The following IGF2BP2 variants were observed in gnomAD, a reference collection of about 807,000 sequenced individuals.
IGF2BP2 encodes the protein insulin like growth factor 2 mRNA binding protein 2.
A neutral mutation model predicts 75.8 loss-of-function variants in IGF2BP2; 17 were observed. The observed-to-expected ratio is 0.22, with a 90% CI of 0.15 to 0.34. The LOEUF (loss-of-function observed/expected upper bound fraction) is 0.34, where lower values mean the gene tolerates loss of function less well. IGF2BP2 is among the 10% of genes least tolerant of loss of function. IGF2BP2 has a pLI of 1.00. For missense variants in IGF2BP2, 516 were observed against 772.4 expected (o/e 0.67, Z 3.93); for synonymous variants, 288 against 295.6 (o/e 0.97, Z 0.26).
rs1236847943 is a variant in IGF2BP2 at position 185,795,073 on chromosome 3, A to G, written c.239+28080T>C. Among the ~76,000 whole-genome samples, 4 of 151,672 alleles carry G rather than the reference A, an allele frequency of 2.6e-5. No homozygotes were observed. The East Asian group carries it at 7.7e-4, about 29-fold the overall frequency. On this transcript the variant is annotated intron_variant, in intron 2 of 15. Transcript: ENST00000382199. ...CCACCTCGCCCGGCTACTTTTTTGT[A>G]TTTTTAGTAGAGACGAGGTTTCACC...
chr3:185,649,550 A>G lies in IGF2BP2; in HGVS notation c.1462-16T>C, dbSNP rs1351469167. On this transcript the variant is annotated splice_polypyrimidine_tract_variant and intron_variant, in intron 13 of 15. Coordinates refer to ENST00000382199, the MANE Select transcript of IGF2BP2 (RefSeq NM_006548.6). ...GTCCCTGGGCCTGAGAGAGCAAGACATGACTAATGACTCTCAGTCAGCCAG... is the reference window on the plus strand; with the variant it reads ...GTCCCTGGGCCTGAGAGAGCAAGACGTGACTAATGACTCTCAGTCAGCCAG... 3.1e-6 allele frequency: 5 copies of G among 1,613,680 alleles called. No individual in the cohort carries two copies. Among genetic ancestry groups the G allele is most frequent in the South Asian group, 1.1e-5 (1 of 91,002 alleles).
chr3:185,645,349 G>A lies in IGF2BP2; in HGVS notation c.*182C>T, dbSNP rs544821602. 74 of 579,662 alleles carry A rather than the reference G, an allele frequency of 1.3e-4. No homozygotes were observed. The highest frequency in any genetic ancestry group is 8.0e-4 in the African/African-American group (43 of 53,618). The allele number at this position is 579,662 out of a possible 1,614,324, so 35.9% of individuals were successfully genotyped here. The stretch of plus-strand genomic sequence containing the variant: ...CTGGCAAACCTGGCTGACCTTCCCC[G>A]CCCCTCCTCGGCCCCTGGGGTTCTC... On this transcript the variant is annotated 3_prime_UTR_variant, in exon 16 of 16. Coordinates refer to ENST00000382199, the MANE Select transcript of IGF2BP2 (RefSeq NM_006548.6). The surrounding 1 kb of genome is among the most constrained non-coding windows in gnomAD (Gnocchi z 4.9).
rs755880661 is a variant in IGF2BP2, at chr3:185,643,316, T to G, written c.*2215A>C. On this transcript the variant is annotated 3_prime_UTR_variant, in exon 16 of 16. Coordinates refer to ENST00000382199, the MANE Select transcript of IGF2BP2 (RefSeq NM_006548.6). ...CCTCCACTTAAAAAGCAGCTTTGCC[T>G]GGCCAGGCTTGCAGTTCCTTAAGGA... Among the ~76,000 whole-genome samples, 1 of 152,190 alleles carries G rather than the reference T, an allele frequency of 6.6e-6. No individual in the cohort carries two copies. Among genetic ancestry groups the G allele is most frequent in the African/African-American group, 2.4e-5 (1 of 41,458 alleles).
chr3:185,686,144 G>C (rs1198018803), intron 7 of IGF2BP2, among the ~76,000 whole-genome samples: 1 of 152,204 alleles, frequency 6.6e-6, no homozygotes, highest in Non-Finnish European at 1.5e-5. Context: ...AGCACTTTGG[G>C]AGGACGAGGT....
At chr3:185,755,061 C>A (rs1194183692) in intron 2 of IGF2BP2, among the ~76,000 whole-genome samples, 1 of 152,188 alleles carries the variant, frequency 6.6e-6, no homozygotes, top group Non-Finnish European at 1.5e-5. Context: ...GAGCCAAGTG[C>A]TAACATCCAA....
intron 1 of IGF2BP2, 102 bp downstream of exon 1, chr3:185,824,681 G>A: frequency 6.7e-6 from 6 of 893,474 alleles, no homozygotes; most frequent in Non-Finnish European, 8.8e-6. Context: ...GCGGGCGCGG[G>A]AGCCGCCGCC....
intron 2 of IGF2BP2, among the ~76,000 whole-genome samples, chr3:185,790,276 A>C (rs1736469276): frequency 8.2e-6 from 1 of 121,946 alleles, no homozygotes; most frequent in African/African-American, 4.2e-5. Context: ...TTTTGCTTCT[A>C]AACAAAATGA....
At chr3:185,771,461 T>C (rs1243524603) in intron 2 of IGF2BP2, among the ~76,000 whole-genome samples, 1 of 150,004 alleles carries the variant, frequency 6.7e-6, no homozygotes, top group Non-Finnish European at 1.5e-5. Flanking sequence ...AAAAAGAATC[T>C]AAATATAATC....
intron 2 of IGF2BP2, among the ~76,000 whole-genome samples, chr3:185,759,955 C>T (rs987536321): frequency 2.0e-5 from 3 of 152,160 alleles, no homozygotes; most frequent in African/African-American, 7.2e-5. Flanking sequence ...ATACCATACC[C>T]ACTGGATTAT....
intron 7 of IGF2BP2, among the ~76,000 whole-genome samples, chr3:185,680,310 C>A (rs978910410): frequency 1.3e-5 from 2 of 152,084 alleles, no homozygotes; most frequent in African/African-American, 2.4e-5. Context: ...AATCAGTAAT[C>A]AAAAACCTCC....
At chr3:185,784,916 T>A (rs894470603) in intron 2 of IGF2BP2, among the ~76,000 whole-genome samples, 10 of 152,256 alleles carry the variant, frequency 6.6e-5, no homozygotes, top group African/African-American at 2.4e-4. Flanking sequence ...TCCTGACATT[T>A]CAGTGGTGTG....
intron 2 of IGF2BP2, among the ~76,000 whole-genome samples, chr3:185,758,398 G>A (rs1174780154): frequency 1.3e-5 from 2 of 152,182 alleles, no homozygotes; most frequent in African/African-American, 4.8e-5. Flanking sequence ...TTTAGCACTA[G>A]TTATGTGGAG....
In IGF2BP2 at chr3:185,652,145, G is replaced by A. The variant is rs147590133; in HGVS notation, c.1410C>T (p.Asp470=). The change falls in exon 13 of 16, where the codon GAC becomes GAT. Residue 470 remains aspartate (D), a synonymous_variant. Coordinates refer to ENST00000382199, the MANE Select transcript of IGF2BP2 (RefSeq NM_006548.6). ...TGATGATGACCATCCTTTCGCTGAC[G>A]TCTGGGCCTTCCGCAGGGGCAATCT... ...SIKIAPAEGP[D]VSERMVIITG... 228 of 1,612,650 alleles carry A rather than the reference G, an allele frequency of 1.4e-4. No homozygotes were observed. In the African/African-American group the frequency reaches 2.2e-3, roughly 16 times the overall value.
At chr3:185,672,360 T>C (rs1048768001) in intron 10 of IGF2BP2, among the ~76,000 whole-genome samples, 181 bp downstream of exon 10, 1 of 152,250 alleles carries the variant, frequency 6.6e-6, no homozygotes, top group Non-Finnish European at 1.5e-5. Context: ...ATTGGTTTAA[T>C]ATTAAGTTGC....
chr3:185,659,161 G>GTGAGCTA (rs1715977694), intron 10 of IGF2BP2, among the ~76,000 whole-genome samples: 1 of 152,080 alleles, frequency 6.6e-6, no homozygotes, highest in African/African-American at 2.4e-5. Context: ...TGAGGCTGCA[G>GTGAGCTA]TGAGCTATGA....
chr3:185,703,627 G>A (rs754052963), intron 2 of IGF2BP2, among the ~76,000 whole-genome samples: 10 of 151,974 alleles, frequency 6.6e-5, no homozygotes, highest in African/African-American at 1.7e-4. Context: ...AAAATTAGCC[G>A]GGCATGGTGG....
intron 2 of IGF2BP2, among the ~76,000 whole-genome samples, chr3:185,756,897 G>C (rs1441122111): frequency 6.6e-6 from 1 of 152,114 alleles, no homozygotes; most frequent in African/African-American, 2.4e-5. Flanking sequence ...GTGAGCCCAG[G>C]AGTTTGAAGT....
chr3:185,652,872 C>T (rs1410339381), intron 12 of IGF2BP2, among the ~76,000 whole-genome samples: 5 of 152,110 alleles, frequency 3.3e-5, no homozygotes, highest in Non-Finnish European at 7.4e-5. Context: ...AGTGCAGTGG[C>T]GCGATCTCAG....
chr3:185,782,200 T>C (rs1011029617), intron 2 of IGF2BP2, among the ~76,000 whole-genome samples: 3 of 152,266 alleles, frequency 2.0e-5, no homozygotes, highest in East Asian at 1.9e-4. Context: ...ACACCCTCTT[T>C]GTGCCAGGAA....
Sources: allele counts gnomAD v4.1 joint callset (sites outside exome capture counted in the v4.1 genomes callset), GRCh38; gene constraint gnomAD v4.1.1; non-coding constraint Gnocchi (gnomAD v3.1); transcripts MANE v1.5; gene names NCBI Gene and HGNC (gene_info 2026-07-23, HGNC 2026-07-21).